The following FRMD4B variants were observed in gnomAD, a reference collection of about 807,000 sequenced individuals.
FRMD4B encodes FERM domain-containing protein 4B.
Under a neutral mutation model 141.5 loss-of-function variants are expected in FRMD4B, and 74 were observed. The observed-to-expected ratio is 0.52, with a 90% CI of 0.43 to 0.63. The LOEUF (loss-of-function observed/expected upper bound fraction) is 0.63, where lower values mean the gene tolerates loss of function less well. FRMD4B is among the 30% of genes least tolerant of loss of function. FRMD4B has a pLI of 0.00. For missense variants in FRMD4B, 1,366 were observed against 1,253.4 expected, an observed-to-expected ratio of 1.09 and a Z score of -1.36; for synonymous variants, 506 against 467.9, an observed-to-expected ratio of 1.08 and a Z score of -1.05.
intron 1 of FRMD4B, among the ~76,000 whole-genome samples, chr3:69,500,692 C>G (rs1253418385): frequency 6.6e-6 from 1 of 151,950 alleles, no homozygotes; most frequent in East Asian, 1.9e-4. Flanking sequence ...AAGGCCCCCC[C>G]ACCCCCCAAG....
chr3:69,480,808 C>A (rs1467322270), intron 1 of FRMD4B, among the ~76,000 whole-genome samples: 1 of 152,214 alleles, frequency 6.6e-6, no homozygotes, highest in African/African-American at 2.4e-5. Flanking sequence ...GCCCTGCCCC[C>A]AGAGGTGGAG....
intron 1 of FRMD4B, among the ~76,000 whole-genome samples, chr3:69,540,658 TATACACACACACAC>T (rs1448672503): frequency 5.2e-5 from 4 of 76,900 alleles, no homozygotes; most frequent in African/African-American, 2.8e-4. Context: ...TATATATATA[TATACACACACACAC>T]ACACACACAC....
intron 3 of FRMD4B, among the ~76,000 whole-genome samples, chr3:69,307,607 G>A (rs1385606448): frequency 1.3e-5 from 2 of 152,114 alleles, no homozygotes; most frequent in Non-Finnish European, 2.9e-5. Context: ...CCAAAGTGTT[G>A]AGATTACAGG....
At chr3:69,366,108 A>ACACAC (rs1703642573) in intron 1 of FRMD4B, among the ~76,000 whole-genome samples, 1 of 128,552 alleles carries the variant, frequency 7.8e-6, no homozygotes, top group African/African-American at 3.1e-5. Flanking sequence ...CACACACACA[A>ACACAC]AATTAGCTGG....
At chr3:69,232,284 T>G (rs1031995015) in intron 7 of FRMD4B, among the ~76,000 whole-genome samples, 2 of 152,152 alleles carry the variant, frequency 1.3e-5, no homozygotes, top group Admixed American at 6.6e-5. Flanking sequence ...TCTACATCAC[T>G]TGCTACTTCT....
chr3:69,455,010 CTAATCTGGT>C (rs1471595273), intron 1 of FRMD4B, among the ~76,000 whole-genome samples: 1 of 152,210 alleles, frequency 6.6e-6, no homozygotes, highest in Non-Finnish European at 1.5e-5. Context: ...CTAAATCTAG[CTAATCTGGT>C]GGGGACTTGG....
chr3:69,356,996 G>A (rs1170260883), intron 1 of FRMD4B, among the ~76,000 whole-genome samples: 1 of 152,144 alleles, frequency 6.6e-6, no homozygotes, highest in African/African-American at 2.4e-5. Context: ...TAATATGTCA[G>A]TTTGTGTGAG....
chr3:69,222,039 T>A lies in FRMD4B; in HGVS notation c.666-116A>T, dbSNP rs2093200648. On this transcript the variant is annotated intron_variant, in intron 8 of 22. Coordinates refer to ENST00000398540, the MANE Select transcript of FRMD4B (RefSeq NM_015123.3). The stretch of plus-strand genomic sequence containing the variant: ...TTGAGAGAGAAAGCCTTCACCAACT[T>A]GTTTGGTAGATAGAGTTTGGCTTTT... The A allele has an allele frequency of 1.2e-5, 8 of 682,018 alleles. No individual in the cohort carries two copies. In the Middle Eastern group the frequency reaches 1.7e-3, roughly 144 times the overall value. The allele number at this position is 682,018 out of a possible 1,614,324, so 42.2% of individuals were successfully genotyped here.
chr3:69,323,244 C>G (rs1009808794), intron 1 of FRMD4B, among the ~76,000 whole-genome samples: 1 of 152,102 alleles, frequency 6.6e-6, no homozygotes, highest in Admixed American at 6.6e-5. Flanking sequence ...TGCCTGATAA[C>G]TATCCCAAAT....
intron 1 of FRMD4B, chr3:69,377,185 A>G (rs1318460068): frequency 6.6e-6 from 1 of 152,234 alleles, no homozygotes; most frequent in African/African-American, 2.4e-5. Context: ...GTTCCCTGCC[A>G]TAAAATCTTT....
chr3:69,512,812 C>A (rs1369730017), intron 1 of FRMD4B, among the ~76,000 whole-genome samples: 1 of 151,948 alleles, frequency 6.6e-6, no homozygotes, highest in Non-Finnish European at 1.5e-5. Context: ...AGGTAAGCAA[C>A]CAATGGGTCA....
intron 1 of FRMD4B, among the ~76,000 whole-genome samples, chr3:69,464,712 G>A (rs1705755010): frequency 6.6e-6 from 1 of 152,142 alleles, no homozygotes; most frequent in African/African-American, 2.4e-5. Context: ...ATCACCTGAT[G>A]CAATGGGGCT....
At chr3:69,185,416 G>A (rs1159972492) in intron 19 of FRMD4B, among the ~76,000 whole-genome samples, 1 of 151,300 alleles carries the variant, frequency 6.6e-6, no homozygotes, top group Non-Finnish European at 1.5e-5. Flanking sequence ...TTGATTTTGA[G>A]AATAATTTCC....
intron 1 of FRMD4B, among the ~76,000 whole-genome samples, chr3:69,461,045 C>T (rs1270030460): frequency 6.6e-6 from 1 of 152,208 alleles, no homozygotes; most frequent in East Asian, 1.9e-4. Flanking sequence ...TTTTTGGTCT[C>T]TCAAAATTCA....
chr3:69,423,739 T>C (rs1705024204), intron 2 of FRMD4B, among the ~76,000 whole-genome samples: 1 of 152,134 alleles, frequency 6.6e-6, no homozygotes, highest in African/African-American at 2.4e-5. Flanking sequence ...TTACCCCTTC[T>C]ACCAAGTGAA....
At chr3:69,298,226 C>T (rs150949608) in intron 4 of FRMD4B, among the ~76,000 whole-genome samples, 51 of 152,318 alleles carry the variant, frequency 3.3e-4, no homozygotes, top group African/African-American at 1.2e-3. Flanking sequence ...TTCATAAATG[C>T]TACAATAAAT....
At chr3:69,217,445 A>C (rs2107732380) in intron 10 of FRMD4B, among the ~76,000 whole-genome samples, 1 of 151,986 alleles carries the variant, frequency 6.6e-6, no homozygotes, top group Non-Finnish European at 1.5e-5. Flanking sequence ...ACATGGTGAA[A>C]CCCCATCTCC....
At position 69,250,054 on chromosome 3, in the gene FRMD4B, A is replaced by G; in HGVS notation, c.547T>C (p.Phe183Leu). The G allele has an allele frequency of 1.9e-6, 3 of 1,608,978 alleles. No homozygotes were observed. The highest frequency in any genetic ancestry group is 1.1e-5 in the South Asian group (1 of 90,998). ...TTGTCCAATCTTACCTGTAAAATAAACGCTGCTAACTTGAAGATGGTTTCG... is the reference window on the plus strand; with the variant it reads ...TTGTCCAATCTTACCTGTAAAATAAGCGCTGCTAACTTGAAGATGGTTTCG... ...ESETIFKLAA[F>L]ILQEAKGDYT... The change falls in exon 6 of 23, where the codon TTT (phenylalanine) becomes CTT (leucine). Residue 183 changes from phenylalanine to leucine, a missense_variant. By Grantham distance (22) the Phe-to-Leu change is conservative. Coordinates refer to ENST00000398540, the MANE Select transcript of FRMD4B (RefSeq NM_015123.3).
intron 1 of FRMD4B, among the ~76,000 whole-genome samples, chr3:69,501,823 T>G (rs1171168271): frequency 6.6e-6 from 1 of 152,198 alleles, no homozygotes; most frequent in Non-Finnish European, 1.5e-5. Context: ...GATAAGCAAC[T>G]TCAGCAAAGT....
Sources: gnomAD v4.1 joint callset for allele counts (sites outside exome capture counted in the v4.1 genomes callset) on GRCh38, gnomAD v4.1.1 for gene constraint, MANE v1.5 for transcripts, NCBI Gene and HGNC (gene_info 2026-07-23, HGNC 2026-07-21) for gene names.